The following CNTLN variants were observed in gnomAD, a reference collection of about 807,000 sequenced individuals.
CNTLN encodes the protein centlein, centrosomal protein.
Under a neutral mutation model 180.0 loss-of-function variants are expected in CNTLN, and 212 were observed. The observed-to-expected ratio is 1.18, with a 90% CI of 1.05 to 1.32. The LOEUF is 1.32. CNTLN is among the 40% of genes most tolerant of loss of function. CNTLN has a pLI of 0.00. For missense variants in CNTLN, 2,095 were observed against 1,610.9 expected, an observed-to-expected ratio of 1.30 and a Z score of -5.14; for synonymous variants, 722 against 563.1, an observed-to-expected ratio of 1.28 and a Z score of -3.99.
At chr9:17,445,613 C>T (rs961898906) in intron 18 of CNTLN, among the ~76,000 whole-genome samples, 1 of 152,168 alleles carries the variant, frequency 6.6e-6, no homozygotes, top group Non-Finnish European at 1.5e-5. Flanking sequence ...TGAGAGTCAT[C>T]ACCACTCCCT....
intron 13 of CNTLN, among the ~76,000 whole-genome samples, chr9:17,375,775 T>C (rs562980933): frequency 6.6e-6 from 1 of 152,174 alleles, no homozygotes; most frequent in Non-Finnish European, 1.5e-5. Context: ...GCAACCTCCC[T>C]GACAGCTAGC....
chr9:17,388,034 A>T, intron 13 of CNTLN, 128 bp from the exon 14 acceptor site: 1 of 496,074 alleles, frequency 2.0e-6, no homozygotes. Context: ...TTACTGGCCA[A>T]ATACTTGACA....
intron 15 of CNTLN, among the ~76,000 whole-genome samples, chr9:17,396,039 G>A (rs1447750260): frequency 3.3e-5 from 5 of 152,170 alleles, no homozygotes; most frequent in Non-Finnish European, 2.9e-5. Flanking sequence ...AGTGATCTCT[G>A]GTTGTCTTCA....
chr9:17,511,941 C>T, the CNTLN span, among the ~76,000 whole-genome samples: 1 of 152,078 alleles, frequency 6.6e-6, no homozygotes, highest in South Asian at 2.1e-4. Context: ...ATTACAACTA[C>T]TTCTTGGTAC....
intron 18 of CNTLN, among the ~76,000 whole-genome samples, chr9:17,439,202 A>T (rs180999069): frequency 6.6e-6 from 1 of 152,328 alleles, no homozygotes; most frequent in East Asian, 1.9e-4. Flanking sequence ...TATTGATAAT[A>T]TCAGTACTTT....
chr9:17,359,725 C>CCAAA (rs1823160860), intron 12 of CNTLN, among the ~76,000 whole-genome samples: 1 of 21,338 alleles, frequency 4.7e-5, no homozygotes, highest in Non-Finnish European at 9.9e-5. Context: ...ACTAAAAATA[C>CCAAA]AAAAAAAAAA....
intron 13 of CNTLN, among the ~76,000 whole-genome samples, chr9:17,372,648 C>T (rs973391289): frequency 6.6e-6 from 1 of 152,034 alleles, no homozygotes; most frequent in South Asian, 2.1e-4. Flanking sequence ...TAGCTTGATA[C>T]CAAAACCAGA....
At chr9:17,323,445 G>T (rs905684844) in intron 8 of CNTLN, among the ~76,000 whole-genome samples, 3 of 152,172 alleles carry the variant, frequency 2.0e-5, no homozygotes, top group African/African-American at 2.4e-5. Flanking sequence ...CGGCAGGCGG[G>T]TCACGAGCTT....
intron 2 of CNTLN, among the ~76,000 whole-genome samples, chr9:17,215,858 G>T (rs1020185906): frequency 6.6e-6 from 1 of 152,166 alleles, no homozygotes; most frequent in Non-Finnish European, 1.5e-5. Context: ...AGCCAGGCGC[G>T]GGGTATAATC....
chr9:17,429,741 G>A (rs1259898541), intron 18 of CNTLN, among the ~76,000 whole-genome samples: 1 of 151,814 alleles, frequency 6.6e-6, no homozygotes, highest in African/African-American at 2.4e-5. Flanking sequence ...TCTGACTATA[G>A]AGTCATCTCT....
intron 25 of CNTLN, among the ~76,000 whole-genome samples, chr9:17,492,755 G>A (rs1833232384): frequency 6.6e-6 from 1 of 152,128 alleles, no homozygotes; most frequent in South Asian, 2.1e-4. Flanking sequence ...AAAAGAATTG[G>A]AAGCAGGAAC....
intron 10 of CNTLN, among the ~76,000 whole-genome samples, chr9:17,334,719 G>A (rs1820884125): frequency 6.6e-6 from 1 of 151,982 alleles, no homozygotes; most frequent in South Asian, 2.1e-4. Context: ...CTAAACCTGA[G>A]TACACATGGA....
chr9:17,380,738 G>A (rs556432782), intron 13 of CNTLN, among the ~76,000 whole-genome samples: 1 of 152,306 alleles, frequency 6.6e-6, no homozygotes, highest in African/African-American at 2.4e-5. Flanking sequence ...TTGAGGGCTT[G>A]TGTATCAGAC....
intron 2 of CNTLN, among the ~76,000 whole-genome samples, chr9:17,196,577 A>T (rs930705959): frequency 6.6e-6 from 1 of 151,974 alleles, no homozygotes; most frequent in Non-Finnish European, 1.5e-5. Context: ...TGAAGACTTT[A>T]AAAAATAAGA....
At chr9:17,276,230 A>G (rs572901962) in intron 6 of CNTLN, among the ~76,000 whole-genome samples, 2 of 152,092 alleles carry the variant, frequency 1.3e-5, no homozygotes, top group Non-Finnish European at 2.9e-5. Flanking sequence ...AATCCTCATT[A>G]TAGGGTAGTA....
intron 15 of CNTLN, among the ~76,000 whole-genome samples, chr9:17,408,232 C>T (rs1827556829): frequency 1.3e-5 from 2 of 149,880 alleles, no homozygotes; most frequent in African/African-American, 4.9e-5. Flanking sequence ...TTCATGGTGT[C>T]TCAAGCAGCA....
intron 8 of CNTLN, among the ~76,000 whole-genome samples, chr9:17,324,053 C>A (rs765086771): frequency 1.3e-5 from 2 of 151,988 alleles, no homozygotes; most frequent in Admixed American, 6.6e-5. Context: ...TTAGTGAATT[C>A]GAGTATGATT....
chr9:17,317,837 A>G (rs1250491985), intron 8 of CNTLN, among the ~76,000 whole-genome samples: 2 of 152,052 alleles, frequency 1.3e-5, no homozygotes, highest in African/African-American at 2.4e-5. Flanking sequence ...AGAGGAGTGA[A>G]ACATGATCTC....
At chr9:17,179,518 A>G (rs1033007960) in intron 2 of CNTLN, among the ~76,000 whole-genome samples, 13 of 152,282 alleles carry the variant, frequency 8.5e-5, no homozygotes, top group Non-Finnish European at 1.5e-4. Context: ...GTTTGATTTC[A>G]TATGGTCAGA....
Sources: gnomAD v4.1 joint callset for allele counts (sites outside exome capture counted in the v4.1 genomes callset) on GRCh38, gnomAD v4.1.1 for gene constraint, MANE v1.5 for transcripts, NCBI Gene and HGNC (gene_info 2026-07-23, HGNC 2026-07-21) for gene names.